Variants in CREBBP observed in about 807,000 individuals in gnomAD.
The protein encoded by CREBBP is CREB binding lysine acetyltransferase, also known as CREB-binding protein.
A neutral mutation model predicts 265.0 loss-of-function variants in CREBBP; 19 were observed. That is an observed-to-expected ratio of 0.07 (90% CI 0.05 to 0.11). CREBBP has a LOEUF of 0.11. Ranked by LOEUF, CREBBP falls within the 10% of genes least tolerant of loss-of-function variation. CREBBP has a pLI of 1.00. For synonymous variants in CREBBP, 1,457 were observed against 1,223.7 expected (o/e 1.19, Z -3.98); for missense variants, 2,525 against 3,219.0 (o/e 0.78, Z 5.22).
rs144344016 is a variant in CREBBP, at chr16:3,810,699, C to T, written c.879G>A (p.Val293=). ...TCTGTTTGCTGGCTAACTGGGGGTT[C>T]ACTCCAGTGGCTCCCATTGGCTGCC... The part of the protein sequence containing the change: ...AGGQPMGATG[V]NPQLASKQSM... The change falls in exon 3 of 31, where the codon GTG becomes GTA. Residue 293 remains valine (V), a synonymous_variant. Coordinates refer to ENST00000262367, the MANE Select transcript of CREBBP (RefSeq NM_004380.3). 5.5e-4 allele frequency: 892 copies of T among 1,613,724 alleles called. 1 individual carries two copies. The highest frequency in any genetic ancestry group is 1.0e-3 in the Middle Eastern group (6 of 6,008).
intron 2 of CREBBP, among the ~76,000 whole-genome samples, chr16:3,844,147 CAAAAAAAAAAAAAA>C (rs545907683): frequency 5.1e-4 from 10 of 19,714 alleles, no homozygotes; most frequent in South Asian, 1.7e-3. Context: ...GACTCCGTCT[CAAAAAAAAAAAAAA>C]AAAAAAAAAA....
At chr16:3,795,669 C>G (rs922855409) in intron 3 of CREBBP, among the ~76,000 whole-genome samples, 25 of 152,166 alleles carry the variant, frequency 1.6e-4, no homozygotes, top group African/African-American at 5.5e-4. Context: ...AGGCCTTGAG[C>G]TGCCCCTGCA....
Position 3,879,351 on chromosome 16 carries a change from G to A in CREBBP, c.85+481C>T, listed in dbSNP as rs183139131. ...CTTCGGTTCTAACTCGCAAGCTGGCGGCTGCTGTGAGTGTCCTCTGAATGC... is the reference window on the plus strand; with the variant it reads ...CTTCGGTTCTAACTCGCAAGCTGGCAGCTGCTGTGAGTGTCCTCTGAATGC... On this transcript the variant is annotated intron_variant, in intron 1 of 30. Transcript: ENST00000262367. Among the ~76,000 whole-genome samples the A allele has an allele frequency of 3.9e-4, 59 of 152,178 alleles. 2 individuals carry two copies. The highest frequency in any genetic ancestry group is 1.3e-3 in the African/African-American group (56 of 41,514).
chr16:3,859,302 T>C lies in CREBBP; in HGVS notation c.86-8293A>G, dbSNP rs1026949800. 4.6e-5 allele frequency among the ~76,000 whole-genome samples: 7 copies of C among 152,234 alleles called. No individual in the cohort carries two copies. The South Asian group carries it at 1.5e-3, about 32-fold the overall frequency. ...CTACTTCCCGGATTCAAACAATTCT[T>C]CTGCCTCAGCCTCCCAAGTAGCTGG... is the stretch of plus-strand genomic sequence containing the variant. On this transcript the variant is annotated intron_variant, in intron 1 of 30. Transcript: ENST00000262367.
chr16:3,840,630 C>T (rs1338083526), intron 2 of CREBBP: 1 of 178,778 alleles, frequency 5.6e-6, no homozygotes, highest in Non-Finnish European at 1.2e-5. Flanking sequence ...AACTTCTGCT[C>T]TGAGATGTTG....
chr16:3,867,858 G>A (rs1597081763), intron 1 of CREBBP, among the ~76,000 whole-genome samples: 1 of 152,080 alleles, frequency 6.6e-6, no homozygotes, highest in East Asian at 1.9e-4. Context: ...CCCAGAAGGT[G>A]GACATTGCAG....
At chr16:3,802,070 T>C (rs2053724425) in intron 3 of CREBBP, among the ~76,000 whole-genome samples, 1 of 146,590 alleles carries the variant, frequency 6.8e-6, no homozygotes, top group Non-Finnish European at 1.5e-5. Context: ...ACTGTCAAAC[T>C]ACCTTTAAAA....
At position 3,728,833 on chromosome 16, in the gene CREBBP, G is replaced by A. The variant is rs1346068669; in HGVS notation, c.6214C>T (p.Arg2072Trp). Residue 2072 changes from arginine to tryptophan, a missense_variant, in exon 31 of 31, where the codon CGG (arginine) becomes TGG (tryptophan). By Grantham distance (101) the Arg-to-Trp change is moderately radical (BLOSUM62 -3). Around this residue, in one of 19 missense-constraint regions of CREBBP, gnomAD observed 275 missense variants for 276.5 expected, o/e 0.99. Coordinates refer to ENST00000262367, the MANE Select transcript of CREBBP (RefSeq NM_004380.3). This position sits in a 1 kb window ranked among gnomAD's most constrained non-coding sequence, Gnocchi z 8.7. ...ISPSALQDLL[R>W]TLKSPSSPQQ... ...GGGGAGCTGGGCGACTTCAGGGTCC[G>A]CAGCAGGTCTTGCAGAGCGCTGGGT... The A allele has an allele frequency of 3.1e-6, 5 of 1,613,332 alleles. No homozygotes were observed. Among genetic ancestry groups the A allele is most frequent in the East Asian group, 2.2e-5 (1 of 44,880 alleles).
chr16:3,815,706 A>C (rs1045506153), intron 2 of CREBBP, among the ~76,000 whole-genome samples: 6 of 151,958 alleles, frequency 3.9e-5, no homozygotes, highest in African/African-American at 9.7e-5. Flanking sequence ...TATGGGTTAC[A>C]TGAGTTTTTT....
chr16:3,792,271 T>C (rs1241904466), intron 4 of CREBBP, among the ~76,000 whole-genome samples, 177 bp from the exon 5 acceptor site: 4 of 152,190 alleles, frequency 2.6e-5, no homozygotes, highest in Admixed American at 2.0e-4. Flanking sequence ...GTAAGTTGAC[T>C]GTTGAGAAAT....
At chr16:3,810,347 T>G (rs2053913105) in intron 3 of CREBBP, among the ~76,000 whole-genome samples, 1 of 152,222 alleles carries the variant, frequency 6.6e-6, no homozygotes, top group African/African-American at 2.4e-5. Flanking sequence ...AAGTGATTCG[T>G]GCACGTGAAT....
At chr16:3,770,237 A>G (rs2052966789) in intron 14 of CREBBP, among the ~76,000 whole-genome samples, 2 of 152,052 alleles carry the variant, frequency 1.3e-5, no homozygotes, top group Admixed American at 6.5e-5. Flanking sequence ...GCTGGAGTAC[A>G]GTGGCGTGAT....
In CREBBP at chr16:3,781,212, C is replaced by CTTACTT; in HGVS notation, c.1667_1668insAAGTAA (p.Gly556_Ala557insSerLys). The CTTACTT allele has an allele frequency of 6.2e-7, 1 of 1,613,856 alleles. No homozygotes were observed. The highest frequency in any genetic ancestry group is 8.5e-7 in the Non-Finnish European group (1 of 1,179,838). Reference sequence around the variant, plus strand: ...CTGAAACAGGGTCTTACTTTGTGGCCCCCAGGGAAGTCGGAAGAGCTGATT... The same window carrying CTTACTT: ...CTGAAACAGGGTCTTACTTTGTGGCCTTACTTCCCAGGGAAGTCGGAAGAGCTGATT... On this transcript the variant is annotated inframe_insertion, in exon 7 of 31. Coordinates refer to ENST00000262367, the MANE Select transcript of CREBBP (RefSeq NM_004380.3).
At chr16:3,831,688 C>G (rs1597019353) in intron 2 of CREBBP, among the ~76,000 whole-genome samples, 3 of 152,086 alleles carry the variant, frequency 2.0e-5, no homozygotes, top group African/African-American at 7.2e-5. Flanking sequence ...ATTATAAATT[C>G]TATCCAAATT....
intron 28 of CREBBP, 117 bp downstream of exon 28, chr16:3,735,917 ATG>A: frequency 6.6e-7 from 1 of 1,520,384 alleles, no homozygotes. Context: ...GTCGACGTGC[ATG>A]TGTGAACGGA....
intron 28 of CREBBP, among the ~76,000 whole-genome samples, chr16:3,733,297 G>A (rs1177636487): frequency 2.7e-5 from 4 of 150,246 alleles, no homozygotes; most frequent in East Asian, 4.1e-4. Flanking sequence ...GGGAGGCGGA[G>A]CTTGCAGTGA....
At chr16:3,772,618 G>A (rs2053040017) in intron 13 of CREBBP, among the ~76,000 whole-genome samples, 2 of 152,028 alleles carry the variant, frequency 1.3e-5, no homozygotes, top group African/African-American at 4.8e-5. Flanking sequence ...AAGATTGAAT[G>A]GCCTGCAAAG....
intron 11 of CREBBP, among the ~76,000 whole-genome samples, chr16:3,777,036 A>G (rs1177475335): frequency 2.7e-5 from 4 of 146,476 alleles, no homozygotes; most frequent in Admixed American, 2.1e-4. Flanking sequence ...AAAAGAAAAG[A>G]AAATAAAGTA....
At chr16:3,860,893 G>C (rs1438910468) in intron 1 of CREBBP, among the ~76,000 whole-genome samples, 1 of 152,106 alleles carries the variant, frequency 6.6e-6, no homozygotes, top group African/African-American at 2.4e-5. Flanking sequence ...GTCTGGTGTA[G>C]TGAGAAGAGT....
Sources: allele counts gnomAD v4.1 joint callset (sites outside exome capture counted in the v4.1 genomes callset), GRCh38; gene constraint gnomAD v4.1.1; regional missense constraint gnomAD v4.1.1; non-coding constraint Gnocchi (gnomAD v3.1); transcripts MANE v1.5; gene names NCBI Gene and HGNC (gene_info 2026-07-23, HGNC 2026-07-21).